Variants in NEURL1 observed in about 807,000 individuals in gnomAD.
NEURL1 encodes E3 ubiquitin-protein ligase NEURL1.
NEURL1 carries 26 observed loss-of-function variants against 41.2 expected under a neutral mutation model. That is an observed-to-expected ratio of 0.63 (90% CI 0.46 to 0.87). The LOEUF is 0.87. NEURL1 is among the 40% of genes least tolerant of loss of function. The pLI is 0.00. For synonymous variants in NEURL1, 400 were observed against 402.3 expected, an observed-to-expected ratio of 0.99 and a Z score of 0.07; for missense variants, 761 against 871.1, an observed-to-expected ratio of 0.87 and a Z score of 1.59.
intron 1 of NEURL1, among the ~76,000 whole-genome samples, chr10:103,514,043 CT>C (rs1442988285): frequency 1.3e-5 from 2 of 152,044 alleles, no homozygotes; most frequent in Admixed American, 1.3e-4. Flanking sequence ...TTTTCTCTTT[CT>C]TTTTGCACCT....
chr10:103,523,298 A>G (rs376393051), intron 1 of NEURL1, among the ~76,000 whole-genome samples: 6 of 152,188 alleles, frequency 3.9e-5, no homozygotes, highest in Middle Eastern at 3.4e-3. Context: ...TTTACAAAAA[A>G]TAAAAAAAAT....
rs540891395 is a variant in NEURL1 at position 103,537,517 on chromosome 10, C to T, written c.86-33355C>T. On this transcript the variant is annotated intron_variant, in intron 1 of 5. Transcript: ENST00000369780. ...CAGGTGATCTTCCTACCTCAGCCTCCGGAGTAGCTGGGACCACAGGTGCAC... is the reference window on the plus strand; with the variant it reads ...CAGGTGATCTTCCTACCTCAGCCTCTGGAGTAGCTGGGACCACAGGTGCAC... Among the ~76,000 whole-genome samples the T allele has an allele frequency of 1.3e-3, 195 of 152,150 alleles. 1 individual carries two copies. The highest frequency in any genetic ancestry group is 3.3e-3 in the African/African-American group (139 of 41,494).
intron 1 of NEURL1, among the ~76,000 whole-genome samples, chr10:103,522,602 CA>C (rs528719693): frequency 0.33 from 35,406 of 106,780 alleles, 3,785 homozygotes; most frequent in South Asian, 0.49. Flanking sequence ...AACTCCATTT[CA>C]AAAAAAAAAA....
rs1353757286 is a variant in NEURL1, at chr10:103,556,857, G to A, written c.86-14015G>A. On this transcript the variant is annotated intron_variant, in intron 1 of 5. Coordinates refer to ENST00000369780, the MANE Select transcript of NEURL1 (RefSeq NM_004210.5). The surrounding 1 kb of genome is among the most constrained non-coding windows in gnomAD (Gnocchi z 4.4). ...CTCAGGGCTTGCTGGCCCCGGCGGGGCCTGTTGGCAGAGGGTCTGGAGCCG... is the reference window on the plus strand; with the variant it reads ...CTCAGGGCTTGCTGGCCCCGGCGGGACCTGTTGGCAGAGGGTCTGGAGCCG... Among the ~76,000 whole-genome samples, 3 of 152,196 alleles carry A rather than the reference G, an allele frequency of 2.0e-5. No homozygotes were observed. The highest frequency in any genetic ancestry group is 4.4e-5 in the Non-Finnish European group (3 of 68,024).
At chr10:103,577,330 C>T (rs1454474494) in intron 3 of NEURL1, among the ~76,000 whole-genome samples, 3 of 152,174 alleles carry the variant, frequency 2.0e-5, no homozygotes, top group Admixed American at 2.0e-4. Context: ...TCCTCCTGAC[C>T]ATCGGAAGCA....
chr10:103,585,391 TG>T, intron 4 of NEURL1, among the ~76,000 whole-genome samples, 166 bp downstream of exon 4: 1 of 152,154 alleles, frequency 6.6e-6, no homozygotes, highest in African/African-American at 2.4e-5. Context: ...ATCTTGTCAG[TG>T]GCCCTTATAT....
At chr10:103,520,944 T>TA (rs1178985127) in intron 1 of NEURL1, among the ~76,000 whole-genome samples, 5 of 152,050 alleles carry the variant, frequency 3.3e-5, no homozygotes, top group African/African-American at 1.2e-4. Context: ...AAGGTCTGAA[T>TA]AAGAGAAGGA....
chr10:103,542,076 C>T (rs921497289), intron 1 of NEURL1, among the ~76,000 whole-genome samples: 5 of 152,142 alleles, frequency 3.3e-5, no homozygotes, highest in Non-Finnish European at 7.4e-5. Flanking sequence ...GCCTCATTGG[C>T]CAGAAGTGGG....
In NEURL1 at chr10:103,494,121, C is replaced by A; in HGVS notation, c.-267C>A. The A allele has an allele frequency of 2.6e-6, 1 of 385,926 alleles. No individual in the cohort carries two copies. The highest frequency in any genetic ancestry group is 4.6e-6 in the Non-Finnish European group (1 of 215,424). 23.9% of individuals were successfully genotyped at this position (385,926 alleles called of 1,614,324 possible). On this transcript the variant is annotated 5_prime_UTR_variant, in exon 1 of 6. The change creates a new upstream start codon in the 5' untranslated region. Transcript: ENST00000369780. ...GCGTCCCCGGCCCCGGCCCAGGGCCCTGCTTGTGGCCCCCGCTCCCGCCAC... is the reference window on the plus strand; with the variant it reads ...GCGTCCCCGGCCCCGGCCCAGGGCCATGCTTGTGGCCCCCGCTCCCGCCAC...
intron 3 of NEURL1, among the ~76,000 whole-genome samples, chr10:103,579,969 A>C (rs759905057): frequency 1.3e-5 from 2 of 152,124 alleles, no homozygotes; most frequent in Admixed American, 1.3e-4. Context: ...AATAAAAAAA[A>C]CATGTCCTGC....
At chr10:103,533,639 C>G (rs1450826089) in intron 1 of NEURL1, among the ~76,000 whole-genome samples, 1 of 151,842 alleles carries the variant, frequency 6.6e-6, no homozygotes, top group South Asian at 2.1e-4. Context: ...TGGGTTCACA[C>G]CATTCTCCTG....
In NEURL1 at chr10:103,566,327, T is replaced by C. The variant is rs991119292; in HGVS notation, c.86-4545T>C. On this transcript the variant is annotated intron_variant, in intron 1 of 5. Transcript: ENST00000369780. This position sits in a 1 kb window ranked among gnomAD's most constrained non-coding sequence, Gnocchi z 4.2. ...TCCAGGCTAAGATATGGAACATTTC[T>C]ATCGCCATAAAAACTTCCTTCCTGC... Among the ~76,000 whole-genome samples the C allele has an allele frequency of 2.0e-5, 3 of 152,182 alleles. No individual in the cohort carries two copies. Among genetic ancestry groups the C allele is most frequent in the Admixed American group, 6.5e-5 (1 of 15,278 alleles).
chr10:103,539,237 C>A (rs1329204217), intron 1 of NEURL1, among the ~76,000 whole-genome samples: 1 of 152,196 alleles, frequency 6.6e-6, no homozygotes, highest in African/African-American at 2.4e-5. Context: ...TGAGCCACTG[C>A]ACCCAGCCAA....
chr10:103,550,421 C>A (rs574820198), intron 1 of NEURL1: 1 of 152,364 alleles, frequency 6.6e-6, no homozygotes, highest in Non-Finnish European at 1.5e-5. Flanking sequence ...AGACCAGGCC[C>A]CCAGGGGCAC....
chr10:103,555,469 G>T (rs180924020), intron 1 of NEURL1: 18 of 1,314,522 alleles, frequency 1.4e-5, no homozygotes, highest in South Asian at 2.4e-5. Flanking sequence ...ACCGCCTGGG[G>T]AGGCCGGGCG....
rs1316488412 is a variant in NEURL1, at chr10:103,589,562, C to T, written c.1388C>T (p.Pro463Leu). 1 of 1,614,000 alleles carries T rather than the reference C, an allele frequency of 6.2e-7. No homozygotes were observed. Among genetic ancestry groups the T allele is most frequent in the Non-Finnish European group, 8.5e-7 (1 of 1,179,938 alleles). The change falls in exon 5 of 6, where the codon CCT becomes CTT. Residue 463 changes from proline to leucine, a missense_variant. This residue lies in a region of NEURL1 where 443 missense variants were observed against 408.1 expected (regional missense o/e 1.09). Transcript: ENST00000369780. Reference protein sequence around the residue: ...ERGIPSLPCSPASTPTSPSAL... With the variant: ...ERGIPSLPCSLASTPTSPSAL... ...GGTATCCCATCACTCCCCTGCTCCC[C>T]TGCCTCCACGCCAACCTCGCCCAGT...
At chr10:103,520,569 T>TTCAGGCCATCTGGATGTTTACGTGCA (rs2034325131) in intron 1 of NEURL1, among the ~76,000 whole-genome samples, 1 of 152,236 alleles carries the variant, frequency 6.6e-6, no homozygotes, top group Non-Finnish European at 1.5e-5. Flanking sequence ...CTTCACTTGC[T>TTCAGGCCATCTGGATGTTTACGTGCA]TCAGGCCATC....
intron 1 of NEURL1, among the ~76,000 whole-genome samples, chr10:103,509,337 G>A (rs1228221962): frequency 1.2e-4 from 19 of 152,136 alleles, no homozygotes; most frequent in Admixed American, 1.2e-3. Flanking sequence ...TTCGTCATAG[G>A]GGAACAGCAC....
chr10:103,500,080 G>T (rs1006961849), intron 1 of NEURL1, among the ~76,000 whole-genome samples: 1 of 152,202 alleles, frequency 6.6e-6, no homozygotes, highest in African/African-American at 2.4e-5. Context: ...GCAGCAGACG[G>T]ATCTAGGGGG....
Sources: gnomAD v4.1 joint callset for allele counts (sites outside exome capture counted in the v4.1 genomes callset) on GRCh38, gnomAD v4.1.1 for gene constraint, gnomAD v4.1.1 regional missense constraint, Gnocchi (gnomAD v3.1) non-coding constraint, MANE v1.5 for transcripts, NCBI Gene and HGNC (gene_info 2026-07-23, HGNC 2026-07-21) for gene names.